Variants in GREB1 observed in about 807,000 individuals in gnomAD.
The protein encoded by GREB1 is growth regulating estrogen receptor binding 1.
In GREB1, 106 loss-of-function variants were observed where a neutral mutation model predicts 200.7. The ratio of observed to expected loss-of-function variants is 0.53; its 90% confidence interval spans 0.45 to 0.62. The LOEUF (loss-of-function observed/expected upper bound fraction) is 0.62, where lower values mean the gene tolerates loss of function less well. GREB1 is among the 20% of genes least tolerant of loss of function. GREB1 has a pLI of 0.00. For missense variants in GREB1, 2,243 were observed against 2,556.8 expected (o/e 0.88, Z 2.65); for synonymous variants, 1,132 against 1,092.4 (o/e 1.04, Z -0.72).
intron 1 of GREB1, among the ~76,000 whole-genome samples, chr2:11,552,732 C>T (rs536800665): frequency 5.8e-4 from 88 of 152,102 alleles, no homozygotes; most frequent in East Asian, 1.5e-3. Context: ...CCGCAGTTGG[C>T]CGGGCGCGGT....
At position 11,640,286 on chromosome 2, in the gene GREB1, C is replaced by T. The variant is rs760142717; in HGVS notation, c.5687-5C>T. On this transcript the variant is annotated splice_region_variant and splice_polypyrimidine_tract_variant and intron_variant, in intron 32 of 32. Coordinates refer to ENST00000381486, the MANE Select transcript of GREB1 (RefSeq NM_014668.4). The surrounding 1 kb of genome is among the most constrained non-coding windows in gnomAD (Gnocchi z 4.6). ...CTTCCCACACCTCTGCCGTTGTCCA[C>T]GCAGGTGCGACGTTGTGTGTCATCT... is the stretch of plus-strand genomic sequence containing the variant. The T allele has an allele frequency of 4.7e-5, 76 of 1,607,956 alleles. No homozygotes were observed. The highest frequency in any genetic ancestry group is 6.1e-5 in the Non-Finnish European group (72 of 1,176,518).
Position 11,612,630 on chromosome 2 carries a change from C to T in GREB1, c.3122+20C>T, listed in dbSNP as rs551351107. 8.5e-5 allele frequency: 128 copies of T among 1,503,122 alleles called. No homozygotes were observed. Among genetic ancestry groups the T allele is most frequent in the Non-Finnish European group, 1.1e-4 (123 of 1,081,224 alleles). The allele number at this position is 1,503,122 out of a possible 1,614,324, so 93.1% of individuals were successfully genotyped here. A position where few individuals can be genotyped will look rare whatever the true frequency, so the allele number is the denominator to read the frequency against. On this transcript the variant is annotated intron_variant, in intron 19 of 32. Coordinates refer to ENST00000381486, the MANE Select transcript of GREB1 (RefSeq NM_014668.4). ...GCCGAGGTGAGTGGAGGGGTTATGCCCCTGGGGGTCTCTGAGGAGCTGGCT... is the reference window on the plus strand; with the variant it reads ...GCCGAGGTGAGTGGAGGGGTTATGCTCCTGGGGGTCTCTGAGGAGCTGGCT...
intron 15 of GREB1, 54 bp from the exon 16 acceptor site, chr2:11,600,746 C>A (rs934841630): frequency 5.4e-6 from 8 of 1,476,004 alleles, no homozygotes; most frequent in African/African-American, 1.4e-5. Context: ...CTTCACCTTG[C>A]AAAATTAGAA....
chr2:11,592,709 C>A, intron 10 of GREB1, 67 bp from the exon 11 acceptor site: 2 of 1,072,722 alleles, frequency 1.9e-6, no homozygotes, highest in Non-Finnish European at 2.6e-6. Flanking sequence ...TTTCACATCA[C>A]TGCACCCGTG....
upstream of GREB1, among the ~76,000 whole-genome samples, chr2:11,529,324 C>T (rs539896947): frequency 6.6e-6 from 1 of 152,300 alleles, no homozygotes; most frequent in Admixed American, 6.5e-5. Context: ...AAACGAGAAA[C>T]AGATAGTTAA....
At position 11,596,138 on chromosome 2, in the gene GREB1, A is replaced by C. The variant is rs757201278; in HGVS notation, c.1853A>C (p.Lys618Thr). ...GGTGACATTGACATTTTGCTGGACA[A>C]ATTTCACCAGGAAAATCAAGGCCAT... ...PEGDIDILLD[K>T]FHQENQGHIS... Residue 618 changes from lysine to threonine, a missense_variant, in exon 13 of 33, where the codon AAA (lysine) becomes ACA (threonine). By Grantham distance (78) the Lys-to-Thr change is moderately conservative. Transcript: ENST00000381486. The C allele has an allele frequency of 6.1e-5, 99 of 1,613,830 alleles. No individual in the cohort carries two copies. Among genetic ancestry groups the C allele is most frequent in the Non-Finnish European group, 8.4e-5 (99 of 1,179,784 alleles).
Position 11,596,266 on chromosome 2 carries a change from G to A in GREB1, c.1954+27G>A, listed in dbSNP as rs1232007285. 2.5e-6 allele frequency: 4 copies of A among 1,604,878 alleles called. No individual in the cohort carries two copies. The African/African-American group carries it at 5.4e-5, about 21-fold the overall frequency. ...TGAGTGGTGAAAAGGAATCTCCCAG[G>A]GTGGAGAGGGTACAAAGTAGTGATG... On this transcript the variant is annotated intron_variant, in intron 13 of 32. Transcript: ENST00000381486.
At chr2:11,501,323 T>C (rs1333453304) in intron 1 of GREB1, among the ~76,000 whole-genome samples, 1 of 152,202 alleles carries the variant, frequency 6.6e-6, no homozygotes, top group Non-Finnish European at 1.5e-5. Flanking sequence ...GTGGGATTCT[T>C]GATCCTGAAA....
rs1465439061 is a variant in GREB1 at position 11,640,268 on chromosome 2, C to T, written c.5687-23C>T. Reference sequence around the variant, plus strand: ...GATAAACTCACCTTTTCCCTTCCCACACCTCTGCCGTTGTCCACGCAGGTG... The same window carrying T: ...GATAAACTCACCTTTTCCCTTCCCATACCTCTGCCGTTGTCCACGCAGGTG... On this transcript the variant is annotated intron_variant, in intron 32 of 32. Coordinates refer to ENST00000381486, the MANE Select transcript of GREB1 (RefSeq NM_014668.4). This position sits in a 1 kb window ranked among gnomAD's most constrained non-coding sequence, Gnocchi z 4.6. 36 of 1,596,462 alleles carry T rather than the reference C, an allele frequency of 2.3e-5. No individual in the cohort carries two copies. The highest frequency in any genetic ancestry group is 3.0e-5 in the Non-Finnish European group (35 of 1,170,668).
At chr2:11,526,048 A>G (rs1252517200) in intron 1 of GREB1, among the ~76,000 whole-genome samples, 7 of 152,200 alleles carry the variant, frequency 4.6e-5, no homozygotes, top group Non-Finnish European at 7.4e-5. Flanking sequence ...GGGTTTCATC[A>G]AAGGCTTTCT....
chr2:11,592,736 T>G (rs1408437808), intron 10 of GREB1, 40 bp from the exon 11 acceptor site: 1 of 1,347,778 alleles, frequency 7.4e-7, no homozygotes, highest in Non-Finnish European at 9.8e-7. Flanking sequence ...CGGATGCCGC[T>G]GGCATTTGTG....
intron 23 of GREB1, among the ~76,000 whole-genome samples, chr2:11,624,558 T>G (rs527324666): frequency 6.6e-6 from 1 of 151,854 alleles, no homozygotes; most frequent in Admixed American, 6.6e-5. Context: ...TTGGCCAGAC[T>G]GGTCTCGAAC....
chr2:11,611,561 C>T lies in GREB1; in HGVS notation c.3006+534C>T, dbSNP rs569900347. Among the ~76,000 whole-genome samples the T allele has an allele frequency of 2.6e-5, 4 of 152,352 alleles. No homozygotes were observed. The East Asian group carries it at 7.7e-4, about 29-fold the overall frequency. ...GTTCAAGCAACCCTCCTGCCTCAGCCTCCCAAAGTGCTGGGTTCCAGGTGT... is the reference window on the plus strand; with the variant it reads ...GTTCAAGCAACCCTCCTGCCTCAGCTTCCCAAAGTGCTGGGTTCCAGGTGT... On this transcript the variant is annotated intron_variant, in intron 18 of 32. Coordinates refer to ENST00000381486, the MANE Select transcript of GREB1 (RefSeq NM_014668.4).
At chr2:11,567,291 A>T (rs980874584) in intron 4 of GREB1, among the ~76,000 whole-genome samples, 9 of 152,006 alleles carry the variant, frequency 5.9e-5, no homozygotes, top group Non-Finnish European at 1.2e-4. Context: ...CATCCGGCTA[A>T]TTTTTGTATT....
chr2:11,555,303 C>A (rs543712048), intron 1 of GREB1, among the ~76,000 whole-genome samples: 7 of 152,234 alleles, frequency 4.6e-5, no homozygotes, highest in South Asian at 2.1e-4. Context: ...AGAAATTTAA[C>A]CCTATGTATG....
intron 1 of GREB1, among the ~76,000 whole-genome samples, chr2:11,500,001 A>C (rs2148423155): frequency 6.7e-6 from 1 of 149,206 alleles, no homozygotes; most frequent in East Asian, 1.9e-4. Flanking sequence ...TTTTTTTTTG[A>C]GGCGGAGTCT....
At chr2:11,567,575 C>G (rs1454846928) in intron 4 of GREB1, among the ~76,000 whole-genome samples, 1 of 152,210 alleles carries the variant, frequency 6.6e-6, no homozygotes, top group Non-Finnish European at 1.5e-5. Context: ...GTGGTCTTGA[C>G]CATGTTGTGG....
intron 7 of GREB1, among the ~76,000 whole-genome samples, chr2:11,584,174 G>T (rs564445389): frequency 6.6e-6 from 1 of 152,182 alleles, no homozygotes; most frequent in South Asian, 2.1e-4. Flanking sequence ...TCCCGGTTGA[G>T]TTTAATGTAC....
chr2:11,513,493 C>G (rs1673406010), intron 1 of GREB1, among the ~76,000 whole-genome samples: 1 of 152,180 alleles, frequency 6.6e-6, no homozygotes, highest in Non-Finnish European at 1.5e-5. Context: ...TAGGGAAGCT[C>G]TTAGTCATCC....
Sources: allele counts gnomAD v4.1 joint callset (sites outside exome capture counted in the v4.1 genomes callset), GRCh38; gene constraint gnomAD v4.1.1; non-coding constraint Gnocchi (gnomAD v3.1); transcripts MANE v1.5; gene names NCBI Gene and HGNC (gene_info 2026-07-23, HGNC 2026-07-21).